The following ASAP1 variants were observed in gnomAD, a reference collection of about 807,000 sequenced individuals.
The protein encoded by ASAP1 is ArfGAP with SH3 domain, ankyrin repeat and PH domain 1, also known as arf-GAP with SH3 domain, ANK repeat and PH domain-containing protein 1.
Under a neutral mutation model 145.2 loss-of-function variants are expected in ASAP1, and 43 were observed. The observed-to-expected ratio is 0.30, with a 90% confidence interval of 0.23 to 0.38. The LOEUF is 0.38. Among genes scored for constraint, ASAP1 ranks in the 10% least tolerant of loss-of-function variants. The pLI, the probability that ASAP1 is intolerant of heterozygous loss-of-function variation, is 1.00. For missense variants in ASAP1, 1,018 were observed against 1,355.3 expected (o/e 0.75, Z 3.91); for synonymous variants, 546 against 515.5 (o/e 1.06, Z -0.80).
In ASAP1 at chr8:130,343,970, A is replaced by C. The variant is rs1000964574; in HGVS notation, c.186+14047T>G. Among the ~76,000 whole-genome samples, 6 of 152,216 alleles carry C rather than the reference A, an allele frequency of 3.9e-5. No individual in the cohort carries two copies. The East Asian group carries it at 9.6e-4, about 24-fold the overall frequency. On this transcript the variant is annotated intron_variant, in intron 3 of 29. Transcript: ENST00000518721. ...TTAGTGGGCTTATGGATGACTTTTAAATTTTCTTCTTTTATACTTGTCCTC... is the reference window on the plus strand; with the variant it reads ...TTAGTGGGCTTATGGATGACTTTTACATTTTCTTCTTTTATACTTGTCCTC...
intron 3 of ASAP1, among the ~76,000 whole-genome samples, chr8:130,275,542 G>A (rs1261709495): frequency 6.6e-6 from 1 of 151,984 alleles, no homozygotes; most frequent in Non-Finnish European, 1.5e-5. Flanking sequence ...GTACACACAG[G>A]AGCTAAGAAG....
intron 1 of ASAP1, among the ~76,000 whole-genome samples, chr8:130,435,245 G>A (rs970545083): frequency 6.6e-6 from 1 of 152,206 alleles, no homozygotes. Flanking sequence ...TTCCAAACTA[G>A]AATTCAGGAC....
chr8:130,139,680 A>C (rs77897932), intron 13 of ASAP1, among the ~76,000 whole-genome samples: 2,330 of 152,056 alleles, frequency 0.015, 63 homozygotes, highest in African/African-American at 0.052. Context: ...TGTAAGCCAA[A>C]GTCACGCCAT....
intron 17 of ASAP1, among the ~76,000 whole-genome samples, chr8:130,124,313 T>C (rs2097571486): frequency 6.6e-6 from 1 of 152,226 alleles, no homozygotes; most frequent in Non-Finnish European, 1.5e-5. Flanking sequence ...CAGAGATGGG[T>C]AAACTATGTT....
intron 3 of ASAP1, among the ~76,000 whole-genome samples, chr8:130,294,868 G>A (rs529254071): frequency 6.6e-6 from 1 of 152,306 alleles, no homozygotes; most frequent in African/African-American, 2.4e-5. Context: ...ATAGTAAGAT[G>A]CCTTCTTTTT....
In ASAP1 at chr8:130,151,370, C is replaced by CAAAAAAAAAAAAAAAAA. The variant is rs58367856; in HGVS notation, c.1080+1349_1080+1365dup. ...TGGGTGAAAGAGCGAGACTCAGTCT[C>CAAAAAAAAAAAAAAAAA]AAAAAAAAAAAAAAAAAAAAAAAAA... is the stretch of plus-strand genomic sequence containing the variant. On this transcript the variant is annotated intron_variant, in intron 13 of 29. Coordinates refer to ENST00000518721, the MANE Select transcript of ASAP1 (RefSeq NM_018482.4). Among the ~76,000 whole-genome samples, 8 of 62,820 alleles carry CAAAAAAAAAAAAAAAAA rather than the reference C, an allele frequency of 1.3e-4. 1 individual carries two copies. Among genetic ancestry groups the CAAAAAAAAAAAAAAAAA allele is most frequent in the African/African-American group, 1.7e-4 (3 of 18,076 alleles). 41.2% of individuals were successfully genotyped at this position (62,820 alleles called of 152,430 possible). A position where few individuals can be genotyped will look rare whatever the true frequency, so the allele number is the denominator to read the frequency against.
At chr8:130,354,751 C>G (rs890091170) in intron 3 of ASAP1, among the ~76,000 whole-genome samples, 2 of 152,174 alleles carry the variant, frequency 1.3e-5, no homozygotes, top group Non-Finnish European at 2.9e-5. Flanking sequence ...TGGCAGAACA[C>G]CAGCTCATCC....
intron 3 of ASAP1, among the ~76,000 whole-genome samples, chr8:130,336,610 C>A (rs947694080): frequency 1.3e-5 from 2 of 152,170 alleles, no homozygotes; most frequent in African/African-American, 4.8e-5. Context: ...TGAATGGTGT[C>A]GGCATCTATC....
At chr8:130,261,019 T>C (rs370511197) in intron 3 of ASAP1, among the ~76,000 whole-genome samples, 43 of 152,284 alleles carry the variant, frequency 2.8e-4, no homozygotes, top group African/African-American at 1.0e-3. Flanking sequence ...TCCACATTTA[T>C]TCAATTATAT....
intron 3 of ASAP1, among the ~76,000 whole-genome samples, chr8:130,275,051 C>G (rs1340067969): frequency 6.6e-6 from 1 of 152,212 alleles, no homozygotes; most frequent in Non-Finnish European, 1.5e-5. Flanking sequence ...TGAGCTACTT[C>G]TCCAACTTTT....
At chr8:130,101,616 G>A (rs2097528892) in intron 24 of ASAP1, among the ~76,000 whole-genome samples, 1 of 151,584 alleles carries the variant, frequency 6.6e-6, no homozygotes, top group Non-Finnish European at 1.5e-5. Context: ...TGTCACCCAG[G>A]CTGGAGTGCA....
At position 130,356,783 on chromosome 8, in the gene ASAP1, T is replaced by C. The variant is rs572235154; in HGVS notation, c.186+1234A>G. Among the ~76,000 whole-genome samples, 23 of 152,286 alleles carry C rather than the reference T, an allele frequency of 1.5e-4. No homozygotes were observed. In the South Asian group the frequency reaches 3.3e-3, roughly 22 times the overall value. Reference sequence around the variant, plus strand: ...GGATCCCTCTACTTCTGAATCCCAGTTCTACGTGTGTGGAAACATGAGTAT... The same window carrying C: ...GGATCCCTCTACTTCTGAATCCCAGCTCTACGTGTGTGGAAACATGAGTAT... On this transcript the variant is annotated intron_variant, in intron 3 of 29. Coordinates refer to ENST00000518721, the MANE Select transcript of ASAP1 (RefSeq NM_018482.4).
At chr8:130,265,731 G>T (rs1820202807) in intron 3 of ASAP1, among the ~76,000 whole-genome samples, 1 of 152,092 alleles carries the variant, frequency 6.6e-6, no homozygotes, top group Non-Finnish European at 1.5e-5. Context: ...ACAAAAAGTA[G>T]CCAGGTGAGG....
chr8:130,233,439 A>T (rs1818029175), intron 4 of ASAP1, among the ~76,000 whole-genome samples: 1 of 152,070 alleles, frequency 6.6e-6, no homozygotes, highest in Admixed American at 6.6e-5. Flanking sequence ...TCTTTCCATT[A>T]TTTGCTAGGT....
At chr8:130,193,817 A>C (rs751288992) in intron 5 of ASAP1, among the ~76,000 whole-genome samples, 4 of 152,230 alleles carry the variant, frequency 2.6e-5, no homozygotes, top group Non-Finnish European at 5.9e-5. Context: ...AAGTGCCTCA[A>C]ATCATGTACT....
In ASAP1 at chr8:130,089,913, G is replaced by A. The variant is rs1009295340; in HGVS notation, c.2572+2060C>T. Among the ~76,000 whole-genome samples the A allele has an allele frequency of 2.0e-5, 3 of 152,030 alleles. No individual in the cohort carries two copies. The South Asian group carries it at 6.2e-4, about 32-fold the overall frequency. On this transcript the variant is annotated intron_variant, in intron 25 of 29. Coordinates refer to ENST00000518721, the MANE Select transcript of ASAP1 (RefSeq NM_018482.4). ...AAAAGTCCATGCCATGTGGCGAACT[G>A]TCACTGTGGCCGAGGACAGATGATG...
chr8:130,375,041 G>A (rs78921004), intron 2 of ASAP1, among the ~76,000 whole-genome samples: 1,876 of 152,184 alleles, frequency 0.012, 16 homozygotes, highest in Non-Finnish European at 0.019. Context: ...GCCTCACCTC[G>A]TCCACTTGCA....
intron 13 of ASAP1, among the ~76,000 whole-genome samples, chr8:130,146,396 TTCTAAATTTGTGAGC>T (rs781763956): frequency 1.3e-5 from 2 of 152,306 alleles, no homozygotes; most frequent in African/African-American, 2.4e-5. Flanking sequence ...TGGTCACACT[TTCTAAATTTGTGAGC>T]TCTAAATTTG....
chr8:130,207,849 T>G (rs1816322771), intron 5 of ASAP1, among the ~76,000 whole-genome samples: 1 of 152,158 alleles, frequency 6.6e-6, no homozygotes, highest in Non-Finnish European at 1.5e-5. Context: ...TTTTATGGAA[T>G]AGCAACCACA....
Sources: allele counts gnomAD v4.1 joint callset (sites outside exome capture counted in the v4.1 genomes callset), GRCh38; gene constraint gnomAD v4.1.1; transcripts MANE v1.5; gene names NCBI Gene and HGNC (gene_info 2026-07-23, HGNC 2026-07-21).